Variants in CRACDL observed in about 807,000 individuals in gnomAD.
The protein encoded by CRACDL is CRACD like.
CRACDL carries 26 observed loss-of-function variants against 70.6 expected under a neutral mutation model. That is an observed-to-expected ratio of 0.37 (90% CI 0.27 to 0.51). CRACDL has a LOEUF of 0.51. CRACDL is among the 20% of genes least tolerant of loss of function. The pLI, the probability that CRACDL is intolerant of heterozygous loss-of-function variation, is 0.94. For missense variants in CRACDL, 1,283 were observed against 1,376.9 expected, an observed-to-expected ratio of 0.93 and a Z score of 1.08; for synonymous variants, 618 against 615.2, an observed-to-expected ratio of 1.00 and a Z score of -0.07.
intron 5 of CRACDL, among the ~76,000 whole-genome samples, chr2:98,829,702 G>C (rs572074421): frequency 1.3e-5 from 2 of 152,278 alleles, no homozygotes; most frequent in East Asian, 3.9e-4. Context: ...AAACAGCTGG[G>C]GTCAGAAGCT....
chr2:98,839,359 T>C (rs1705923365), intron 2 of CRACDL, among the ~76,000 whole-genome samples: 1 of 152,224 alleles, frequency 6.6e-6, no homozygotes, highest in Non-Finnish European at 1.5e-5. Flanking sequence ...GTTCTCAACT[T>C]TATAATCGTA....
chr2:98,794,166 A>G lies in CRACDL; in HGVS notation c.*366T>C, dbSNP rs1703706199. Reference sequence around the variant, plus strand: ...GAAGCACAGATGTCCCTTCTCCTAGAAGGGCTTCTCTTCTGGCCTTTGCTG... The same window carrying G: ...GAAGCACAGATGTCCCTTCTCCTAGGAGGGCTTCTCTTCTGGCCTTTGCTG... On this transcript the variant is annotated 3_prime_UTR_variant, in exon 10 of 10. Transcript: ENST00000397899. 1 of 162,966 alleles carries G rather than the reference A, an allele frequency of 6.1e-6. No homozygotes were observed. Among genetic ancestry groups the G allele is most frequent in the Non-Finnish European group, 1.3e-5 (1 of 75,034 alleles). The allele number at this position is 162,966 out of a possible 1,614,324, so 10.1% of individuals were successfully genotyped here.
intron 1 of CRACDL, among the ~76,000 whole-genome samples, chr2:98,875,621 G>A (rs982314054): frequency 2.0e-5 from 3 of 152,212 alleles, no homozygotes; most frequent in Admixed American, 6.5e-5. Flanking sequence ...CAGAAGAACC[G>A]CACTCAGGAT....
chr2:98,801,732 T>C (rs1183095158), intron 7 of CRACDL, among the ~76,000 whole-genome samples: 2 of 152,192 alleles, frequency 1.3e-5, no homozygotes, highest in Non-Finnish European at 1.5e-5. Flanking sequence ...CCTCTCAGCG[T>C]GGTTGGTGAA....
intron 1 of CRACDL, among the ~76,000 whole-genome samples, chr2:98,868,049 G>A (rs772743799): frequency 2.0e-5 from 3 of 152,040 alleles, no homozygotes; most frequent in Non-Finnish European, 2.9e-5. Context: ...ATATAAAATG[G>A]GCAGAATCAG....
chr2:98,848,284 A>G (rs73962498), intron 1 of CRACDL, among the ~76,000 whole-genome samples: 1 of 152,302 alleles, frequency 6.6e-6, no homozygotes, highest in African/African-American at 2.4e-5. Flanking sequence ...CAGGTGTTCC[A>G]AAGGTCACCC....
intron 1 of CRACDL, among the ~76,000 whole-genome samples, chr2:98,893,999 G>C (rs75036453): frequency 0.029 from 4,484 of 152,242 alleles, 165 homozygotes; most frequent in South Asian, 0.16. Flanking sequence ...GAGATTCCGA[G>C]GGGCAGCCAG....
At chr2:98,877,810 A>G (rs1005023236) in intron 1 of CRACDL, among the ~76,000 whole-genome samples, 1 of 152,178 alleles carries the variant, frequency 6.6e-6, no homozygotes. Flanking sequence ...TAGTGTTTAT[A>G]AAGTCTACAG....
At chr2:98,895,096 G>A (rs1164788246) in intron 1 of CRACDL, among the ~76,000 whole-genome samples, 1 of 152,078 alleles carries the variant, frequency 6.6e-6, no homozygotes, top group Non-Finnish European at 1.5e-5. Flanking sequence ...GGGCAACAGA[G>A]GAGACCCTGT....
At chr2:98,891,205 C>T (rs1056240908) in intron 1 of CRACDL, among the ~76,000 whole-genome samples, 4 of 150,958 alleles carry the variant, frequency 2.6e-5, no homozygotes, top group African/African-American at 9.8e-5. Flanking sequence ...ATGATGAAAC[C>T]GTCTCTACTA....
intron 7 of CRACDL, among the ~76,000 whole-genome samples, chr2:98,814,050 T>C (rs1704680747): frequency 6.6e-6 from 1 of 152,222 alleles, no homozygotes; most frequent in African/African-American, 2.4e-5. Flanking sequence ...CACTCCATAA[T>C]GTTTGTAATT....
chr2:98,896,010 C>T (rs949577774), intron 1 of CRACDL, among the ~76,000 whole-genome samples: 6 of 152,156 alleles, frequency 3.9e-5, no homozygotes, highest in Non-Finnish European at 7.4e-5. Context: ...CTAGGACTTC[C>T]GGCCTCCAGG....
intron 3 of CRACDL, among the ~76,000 whole-genome samples, chr2:98,836,018 G>A (rs1311960920): frequency 6.6e-6 from 1 of 152,184 alleles, no homozygotes; most frequent in Non-Finnish European, 1.5e-5. Context: ...CGGGAATTGG[G>A]AGAATATAGG....
At chr2:98,903,401 G>A (rs1344083647) in intron 1 of CRACDL, among the ~76,000 whole-genome samples, 1 of 152,082 alleles carries the variant, frequency 6.6e-6, no homozygotes, top group Non-Finnish European at 1.5e-5. Context: ...AAGACACATC[G>A]CTTGTAAAAA....
chr2:98,931,710 C>T (rs1709084633), intron 1 of CRACDL, among the ~76,000 whole-genome samples: 1 of 152,214 alleles, frequency 6.6e-6, no homozygotes, highest in South Asian at 2.1e-4. Flanking sequence ...CACAGATACC[C>T]AGATCATAAG....
chr2:98,918,313 G>A (rs1223535422), intron 1 of CRACDL, among the ~76,000 whole-genome samples: 3 of 151,850 alleles, frequency 2.0e-5, no homozygotes, highest in Admixed American at 6.6e-5. Flanking sequence ...CGGGTGGATC[G>A]CTTGAGTTCA....
intron 1 of CRACDL, among the ~76,000 whole-genome samples, chr2:98,857,787 A>C (rs570552799): frequency 3.3e-5 from 5 of 152,166 alleles, no homozygotes; most frequent in Non-Finnish European, 5.9e-5. Context: ...GATATAAGAG[A>C]CTTGAACAAC....
chr2:98,907,694 A>G (rs1708447657), intron 1 of CRACDL, among the ~76,000 whole-genome samples: 1 of 152,236 alleles, frequency 6.6e-6, no homozygotes, highest in Non-Finnish European at 1.5e-5. Context: ...AGTTGGACCA[A>G]AGACCTGCAC....
chr2:98,852,940 GAGA>G (rs1706537750), intron 1 of CRACDL, among the ~76,000 whole-genome samples: 1 of 137,134 alleles, frequency 7.3e-6, no homozygotes, highest in Non-Finnish European at 1.6e-5. Context: ...GAAAAGGAGA[GAGA>G]AGAAGGAAGG....
Sources: gnomAD v4.1 joint callset for allele counts (sites outside exome capture counted in the v4.1 genomes callset) on GRCh38, gnomAD v4.1.1 for gene constraint, MANE v1.5 for transcripts, NCBI Gene and HGNC (gene_info 2026-07-23, HGNC 2026-07-21) for gene names.